The following FGGY variants were observed in gnomAD, a reference collection of about 807,000 sequenced individuals.
The protein encoded by FGGY is FGGY carbohydrate kinase domain containing, also known as FGGY carbohydrate kinase domain-containing protein.
Under a neutral mutation model 71.3 loss-of-function variants are expected in FGGY, and 72 were observed. The observed-to-expected ratio is 1.01, with a 90% confidence interval of 0.84 to 1.23. The LOEUF (loss-of-function observed/expected upper bound fraction) is 1.23. FGGY is among the 50% of genes most tolerant of loss of function. FGGY has a pLI of 0.00. For synonymous variants in FGGY, 251 were observed against 250.3 expected (o/e 1.00, Z -0.02); for missense variants, 668 against 682.3 (o/e 0.98, Z 0.23).
intron 2 of FGGY, among the ~76,000 whole-genome samples, chr1:59,334,571 T>C (rs1336990643): frequency 6.6e-6 from 1 of 152,228 alleles, no homozygotes; most frequent in African/African-American, 2.4e-5. Context: ...GCTTTATTAA[T>C]ATGACTTGAA....
At position 59,454,504 on chromosome 1, in the gene FGGY, G is replaced by C. The variant is rs1221281888; in HGVS notation, c.555-2457G>C. The stretch of plus-strand genomic sequence containing the variant: ...TCCTTCAGTATATTTATGCCACTTA[G>C]CATAGCTCAATGTGTTCTGTGATCT... On this transcript the variant is annotated intron_variant, in intron 5 of 15. Coordinates refer to ENST00000303721, the MANE Select transcript of FGGY (RefSeq NM_018291.5). 3.3e-5 allele frequency among the ~76,000 whole-genome samples: 5 copies of C among 152,250 alleles called. No homozygotes were observed. The East Asian group carries it at 9.6e-4, about 29-fold the overall frequency.
intron 5 of FGGY, among the ~76,000 whole-genome samples, chr1:59,406,215 C>T (rs559071294): frequency 2.0e-4 from 22 of 111,032 alleles, no homozygotes; most frequent in Admixed American, 4.8e-4. Flanking sequence ...CACAGTCATT[C>T]GCAGAAATGC....
intron 4 of FGGY, 31 bp from the exon 5 acceptor site, chr1:59,378,717 TA>T (rs1157161227): frequency 1.9e-6 from 3 of 1,587,184 alleles, no homozygotes; most frequent in Admixed American, 3.4e-5. Context: ...AAAAACCCCC[TA>T]ATTGATTCTA....
intron 10 of FGGY, among the ~76,000 whole-genome samples, chr1:59,634,128 C>T (rs1030757890): frequency 6.6e-6 from 1 of 152,072 alleles, no homozygotes; most frequent in African/African-American, 2.4e-5. Flanking sequence ...GGAACTAGGC[C>T]GGTTGCAGTG....
chr1:59,673,997 T>G (rs1572986963), intron 13 of FGGY, 42 bp from the exon 14 acceptor site: 2 of 1,583,326 alleles, frequency 1.3e-6, no homozygotes, highest in Non-Finnish European at 1.7e-6. Flanking sequence ...CACACTCCCC[T>G]GGCTCTGCTC....
chr1:59,428,542 C>T (rs1006415857), intron 5 of FGGY, among the ~76,000 whole-genome samples: 15 of 152,224 alleles, frequency 9.9e-5, no homozygotes, highest in African/African-American at 3.1e-4. Context: ...TCATTAATGC[C>T]TCCTTGCCCA....
At chr1:59,461,450 G>T (rs2092206149) in intron 6 of FGGY, among the ~76,000 whole-genome samples, 3 of 152,212 alleles carry the variant, frequency 2.0e-5, no homozygotes, top group Non-Finnish European at 4.4e-5. Context: ...TTTGATTGGT[G>T]TACCTGAAAG....
chr1:59,695,064 G>A (rs1368077199), intron 14 of FGGY, among the ~76,000 whole-genome samples: 1 of 152,134 alleles, frequency 6.6e-6, no homozygotes, highest in Non-Finnish European at 1.5e-5. Flanking sequence ...CACAAAACAG[G>A]TTTGAAAACT....
In FGGY at chr1:59,634,240, A is replaced by G. The variant is rs1438130985; in HGVS notation, c.1074-3988A>G. 2.0e-5 allele frequency among the ~76,000 whole-genome samples: 3 copies of G among 152,214 alleles called. No homozygotes were observed. In the East Asian group the frequency reaches 5.8e-4, roughly 29 times the overall value. On this transcript the variant is annotated intron_variant, in intron 10 of 15. Transcript: ENST00000303721. ...GCCAACATAGTGAAACCCCATCTCTACTAAAAATACAAAAAATTTAGCTGG... is the reference window on the plus strand; with the variant it reads ...GCCAACATAGTGAAACCCCATCTCTGCTAAAAATACAAAAAATTTAGCTGG...
Position 59,541,179 on chromosome 1 carries a change from T to C in FGGY, c.800-12945T>C, listed in dbSNP as rs1282427912. The stretch of plus-strand genomic sequence containing the variant: ...CAGTGATTACTTTCTCCATGGAATG[T>C]TAATACATTGAGTTTCTCTTGTATA... On this transcript the variant is annotated intron_variant, in intron 7 of 15. Coordinates refer to ENST00000303721, the MANE Select transcript of FGGY (RefSeq NM_018291.5). 3.3e-5 allele frequency among the ~76,000 whole-genome samples: 5 copies of C among 152,332 alleles called. No homozygotes were observed. In the East Asian group the frequency reaches 9.6e-4, roughly 29 times the overall value.
intron 14 of FGGY, among the ~76,000 whole-genome samples, chr1:59,721,127 G>A (rs904760499): frequency 6.6e-5 from 10 of 152,000 alleles, no homozygotes; most frequent in Admixed American, 2.0e-4. Flanking sequence ...CCTGCTCCAC[G>A]CCTACCATTC....
chr1:59,586,632 A>C (rs1441674585), intron 8 of FGGY, among the ~76,000 whole-genome samples: 1 of 152,178 alleles, frequency 6.6e-6, no homozygotes, highest in Non-Finnish European at 1.5e-5. Flanking sequence ...CATTGTGCAC[A>C]TGTACCCTAA....
intron 7 of FGGY, among the ~76,000 whole-genome samples, chr1:59,519,012 C>A (rs147278407): frequency 6.6e-6 from 1 of 152,294 alleles, no homozygotes; most frequent in Non-Finnish European, 1.5e-5. Flanking sequence ...ATTATAAACT[C>A]AAGAATAGAT....
intron 14 of FGGY, among the ~76,000 whole-genome samples, chr1:59,745,797 G>C (rs1042700067): frequency 6.6e-6 from 1 of 152,250 alleles, no homozygotes; most frequent in African/African-American, 2.4e-5. Flanking sequence ...CAGGGCACAT[G>C]AATTGAAAGA....
chr1:59,707,732 AG>A (rs1205191518), intron 14 of FGGY, among the ~76,000 whole-genome samples: 1 of 152,162 alleles, frequency 6.6e-6, no homozygotes, highest in African/African-American at 2.4e-5. Flanking sequence ...ATTCAAATGA[AG>A]CCCCCTTGGA....
At chr1:59,723,253 A>G (rs1233457830) in intron 14 of FGGY, among the ~76,000 whole-genome samples, 1 of 152,194 alleles carries the variant, frequency 6.6e-6, no homozygotes, top group Non-Finnish European at 1.5e-5. Context: ...ATATACCCAT[A>G]TCTATAAATA....
intron 7 of FGGY, among the ~76,000 whole-genome samples, chr1:59,529,111 CATGCGTGA>C (rs1271924108): frequency 1.3e-5 from 2 of 152,138 alleles, no homozygotes; most frequent in Admixed American, 1.3e-4. Flanking sequence ...TGAATGAATA[CATGCGTGA>C]ATGAATGGGT....
chr1:59,608,603 C>T (rs376103495), intron 9 of FGGY, among the ~76,000 whole-genome samples: 8 of 152,118 alleles, frequency 5.3e-5, no homozygotes, highest in South Asian at 2.1e-4. Context: ...GAGGCTGGGG[C>T]GGGCAGACCA....
At chr1:59,391,460 C>T (rs904962073) in intron 5 of FGGY, among the ~76,000 whole-genome samples, 2 of 152,200 alleles carry the variant, frequency 1.3e-5, no homozygotes, top group South Asian at 4.1e-4. Flanking sequence ...TCACTTGTTA[C>T]ATCACTGACT....
Sources: allele counts gnomAD v4.1 joint callset (sites outside exome capture counted in the v4.1 genomes callset), GRCh38; gene constraint gnomAD v4.1.1; transcripts MANE v1.5; gene names NCBI Gene and HGNC (gene_info 2026-07-23, HGNC 2026-07-21).